KCNMA1: variants seen among roughly 807,000 people sequenced by gnomAD.
KCNMA1 encodes the protein potassium calcium-activated channel subfamily M alpha 1, also known as Calcium-activated potassium channel subunit alpha-1.
Under a neutral mutation model 140.0 loss-of-function variants are expected in KCNMA1, and 29 were observed. That is an observed-to-expected ratio of 0.21 (90% CI 0.15 to 0.28). The LOEUF (loss-of-function observed/expected upper bound fraction) is 0.28, where lower values mean the gene tolerates loss of function less well. Among genes scored for constraint, KCNMA1 ranks in the 10% least tolerant of loss-of-function variants. KCNMA1 has a pLI of 1.00. For synonymous variants in KCNMA1, 612 were observed against 611.9 expected (o/e 1.00, Z 0.00); for missense variants, 880 against 1,602.2 (o/e 0.55, Z 7.70).
chr10:77,012,578 A>C lies in KCNMA1; in HGVS notation c.2016-535T>G, dbSNP rs557641785. 74 of 1,543,070 alleles carry C rather than the reference A, an allele frequency of 4.8e-5. No individual in the cohort carries two copies. In the African/African-American group the frequency reaches 9.3e-4, roughly 19 times the overall value. The stretch of plus-strand genomic sequence containing the variant: ...GAGGTCTGCAGAGAGGGAAAAACGA[A>C]AGCCACGAGTCAGTGGGTTCCTCTG... On this transcript the variant is annotated intron_variant, in intron 17 of 27. Transcript: ENST00000286628.
intron 20 of KCNMA1, among the ~76,000 whole-genome samples, chr10:76,962,765 C>G (rs974244773): frequency 6.6e-6 from 1 of 152,144 alleles, no homozygotes; most frequent in East Asian, 1.9e-4. Context: ...CAGAATCCAG[C>G]AGAGGATGCA....
At chr10:77,522,463 A>T (rs969857266) in intron 1 of KCNMA1, among the ~76,000 whole-genome samples, 4 of 152,220 alleles carry the variant, frequency 2.6e-5, no homozygotes, top group African/African-American at 9.6e-5. Flanking sequence ...TTCAAAATTG[A>T]ATAACTGTCG....
intron 2 of KCNMA1, among the ~76,000 whole-genome samples, chr10:77,307,059 A>C (rs1210051059): frequency 6.6e-6 from 1 of 152,244 alleles, no homozygotes; most frequent in African/African-American, 2.4e-5. Context: ...CTCAACTTGC[A>C]AAAGAACACA....
At chr10:77,132,713 A>G (rs779872577) in intron 5 of KCNMA1, among the ~76,000 whole-genome samples, 60 of 152,174 alleles carry the variant, frequency 3.9e-4, no homozygotes, top group Non-Finnish European at 7.3e-4. Context: ...TCAAAGCAAC[A>G]AGAGTCAAAT....
At chr10:77,075,427 A>AT (rs1252344563) in intron 13 of KCNMA1, among the ~76,000 whole-genome samples, 2 of 152,280 alleles carry the variant, frequency 1.3e-5, no homozygotes, top group African/African-American at 4.8e-5. Flanking sequence ...GTGAAAGGAG[A>AT]TTTTTTTGGT....
chr10:77,337,421 C>T (rs889731540), intron 2 of KCNMA1, among the ~76,000 whole-genome samples: 2 of 152,162 alleles, frequency 1.3e-5, no homozygotes, highest in African/African-American at 4.8e-5. Context: ...GAGTTCCAGA[C>T]CTGCATGGGC....
intron 1 of KCNMA1, among the ~76,000 whole-genome samples, chr10:77,524,551 C>T (rs568125522): frequency 3.3e-5 from 5 of 152,268 alleles, no homozygotes; most frequent in East Asian, 1.9e-4. Context: ...ATGCAGAAAC[C>T]GCAGCCTGAA....
At chr10:77,238,496 T>C (rs1378308619) in intron 3 of KCNMA1, among the ~76,000 whole-genome samples, 1 of 152,188 alleles carries the variant, frequency 6.6e-6, no homozygotes, top group East Asian at 1.9e-4. Context: ...CCTTTTAGTG[T>C]TGTCTGTTAT....
chr10:77,012,391 G>C (rs2091006916), intron 17 of KCNMA1: 1 of 1,533,266 alleles, frequency 6.5e-7, no homozygotes, highest in South Asian at 1.2e-5. Context: ...ATGAGCCCTG[G>C]GCCCTTGGTG....
intron 1 of KCNMA1, among the ~76,000 whole-genome samples, chr10:77,423,570 A>G (rs2096913817): frequency 6.6e-6 from 1 of 152,120 alleles, no homozygotes; most frequent in Admixed American, 6.5e-5. Flanking sequence ...GATGGAGAGG[A>G]AGGAGACACC....
At chr10:77,636,867 G>A in intron 1 of KCNMA1, 12 of 1,429,422 alleles carry the variant, frequency 8.4e-6, no homozygotes, top group South Asian at 1.5e-5. Context: ...GCCGAGCCCC[G>A]GCAGGTGAGC....
At chr10:77,457,862 T>A (rs1222678810) in intron 1 of KCNMA1, among the ~76,000 whole-genome samples, 1 of 152,270 alleles carries the variant, frequency 6.6e-6, no homozygotes, top group East Asian at 1.9e-4. Flanking sequence ...CCTGTCTGGT[T>A]CCATTCCAGG....
intron 19 of KCNMA1, chr10:76,975,228 C>T (rs2077130072): frequency 6.6e-6 from 1 of 152,104 alleles, no homozygotes; most frequent in African/African-American, 2.4e-5. Flanking sequence ...TGTAATTCAC[C>T]ATGAACAAAA....
chr10:76,998,307 T>C (rs2085055790), intron 19 of KCNMA1, among the ~76,000 whole-genome samples: 1 of 152,012 alleles, frequency 6.6e-6, no homozygotes, highest in African/African-American at 2.4e-5. Context: ...TTAACATCCC[T>C]TGAAAACGGA....
chr10:77,009,354 A>G (rs2090111574), intron 18 of KCNMA1, among the ~76,000 whole-genome samples: 2 of 152,214 alleles, frequency 1.3e-5, no homozygotes, highest in Non-Finnish European at 1.5e-5. Context: ...CCTGTCTGGA[A>G]CCAAGGTGGA....
intron 1 of KCNMA1, among the ~76,000 whole-genome samples, chr10:77,563,500 C>G (rs914485667): frequency 6.6e-6 from 1 of 152,146 alleles, no homozygotes; most frequent in African/African-American, 2.4e-5. Flanking sequence ...CTCCTGACTG[C>G]CCTCTGTCCC....
chr10:77,452,403 A>G (rs568787927), intron 1 of KCNMA1, among the ~76,000 whole-genome samples: 2 of 152,368 alleles, frequency 1.3e-5, no homozygotes, highest in South Asian at 2.1e-4. Flanking sequence ...GTGAAAGTTT[A>G]TTAGAGAATA....
intron 16 of KCNMA1, among the ~76,000 whole-genome samples, chr10:77,026,728 G>C (rs556419408): frequency 1.3e-5 from 2 of 152,158 alleles, no homozygotes; most frequent in Non-Finnish European, 2.9e-5. Flanking sequence ...ATCTGATCTG[G>C]TAGTTAAGGT....
At chr10:77,577,996 A>G (rs1181781723) in intron 1 of KCNMA1, among the ~76,000 whole-genome samples, 1 of 152,272 alleles carries the variant, frequency 6.6e-6, no homozygotes, top group Non-Finnish European at 1.5e-5. Context: ...GCTAGCTATA[A>G]TTAGCAAAGC....
Sources: allele counts gnomAD v4.1 joint callset (sites outside exome capture counted in the v4.1 genomes callset), GRCh38; gene constraint gnomAD v4.1.1; transcripts MANE v1.5; gene names NCBI Gene and HGNC (gene_info 2026-07-23, HGNC 2026-07-21).